The following ADGRB3 variants were observed in gnomAD, a reference collection of about 807,000 sequenced individuals.
ADGRB3 encodes adhesion G protein-coupled receptor B3, also known as brain-specific angiogenesis inhibitor 3.
In ADGRB3, 37 loss-of-function variants were observed where a neutral mutation model predicts 193.4. The observed-to-expected ratio is 0.19, with a 90% CI of 0.15 to 0.25. The LOEUF (loss-of-function observed/expected upper bound fraction) is 0.25. ADGRB3 is among the 10% of genes least tolerant of loss of function. The pLI is 1.00. For synonymous variants in ADGRB3, 690 were observed against 644.2 expected (o/e 1.07, Z -1.08); for missense variants, 1,637 against 1,852.9 (o/e 0.88, Z 2.14).
intron 20 of ADGRB3, among the ~76,000 whole-genome samples, chr6:69,282,150 G>A (rs1767450046): frequency 6.6e-6 from 1 of 152,110 alleles, no homozygotes; most frequent in Non-Finnish European, 1.5e-5. Context: ...TTTCTCAAGA[G>A]CAATGTCTCC....
chr6:68,761,396 G>T (rs562031571), intron 3 of ADGRB3, among the ~76,000 whole-genome samples: 1 of 145,098 alleles, frequency 6.9e-6, no homozygotes, highest in South Asian at 2.1e-4. Flanking sequence ...GCAGTCTCAG[G>T]CGTGACTAGT....
intron 17 of ADGRB3, among the ~76,000 whole-genome samples, chr6:69,166,045 G>T (rs530137950): frequency 1.3e-5 from 2 of 151,954 alleles, no homozygotes; most frequent in Admixed American, 6.6e-5. Flanking sequence ...TACTCTTACC[G>T]TTGTACTCAG....
chr6:69,259,695 C>CAAAAA (rs397887907), intron 20 of ADGRB3, among the ~76,000 whole-genome samples: 4 of 76,154 alleles, frequency 5.3e-5, no homozygotes, highest in African/African-American at 4.9e-5. Context: ...GACTCTGTCT[C>CAAAAA]AAAAAAAAAA....
intron 3 of ADGRB3, among the ~76,000 whole-genome samples, chr6:68,685,705 C>T (rs1215845558): frequency 1.3e-5 from 2 of 151,338 alleles, no homozygotes; most frequent in African/African-American, 4.9e-5. Flanking sequence ...GGTGAAACCC[C>T]GTCTCTACTA....
At chr6:68,922,958 G>T (rs906144808) in intron 3 of ADGRB3, among the ~76,000 whole-genome samples, 1 of 152,016 alleles carries the variant, frequency 6.6e-6, no homozygotes, top group Non-Finnish European at 1.5e-5. Context: ...TTACGTAGTA[G>T]AAAAATACTG....
intron 15 of ADGRB3, among the ~76,000 whole-genome samples, chr6:69,057,531 G>GT (rs145741440): frequency 6.7e-6 from 1 of 149,442 alleles, no homozygotes; most frequent in East Asian, 2.0e-4. Flanking sequence ...GTTTTGTTTT[G>GT]TTTGTTTTAC....
intron 17 of ADGRB3, among the ~76,000 whole-genome samples, chr6:69,231,839 TAA>T (rs1398219885): frequency 3.3e-5 from 5 of 152,234 alleles, no homozygotes; most frequent in South Asian, 4.1e-4. Context: ...AAGAGTATAT[TAA>T]GTCATAAATA....
chr6:69,339,801 T>A (rs528277185), intron 26 of ADGRB3, among the ~76,000 whole-genome samples: 1 of 152,262 alleles, frequency 6.6e-6, no homozygotes, highest in South Asian at 2.1e-4. Context: ...TATAAATAAG[T>A]CTTGTTAGAA....
rs541906631 is a variant in ADGRB3 at position 69,274,737 on chromosome 6, G to GAAAGACTGGCTCTGAAAGAAGCT, written c.2814+35533_2814+35534insTAAAGACTGGCTCTGAAAGAAGC. ...CTAGTGGGAAAAATGAGGCTGCACT[G>GAAAGACTGGCTCTGAAAGAAGCT]AAAGACTGGCTCTGAAAGAAGCAAT... On this transcript the variant is annotated intron_variant, in intron 20 of 31. Coordinates refer to ENST00000370598, the MANE Select transcript of ADGRB3 (RefSeq NM_001704.3). Among the ~76,000 whole-genome samples the GAAAGACTGGCTCTGAAAGAAGCT allele has an allele frequency of 3.1e-4, 47 of 151,796 alleles. 1 individual carries two copies. In the South Asian group the frequency reaches 9.8e-3, roughly 32 times the overall value.
At chr6:69,253,214 G>C (rs898439790) in intron 20 of ADGRB3, among the ~76,000 whole-genome samples, 1 of 152,008 alleles carries the variant, frequency 6.6e-6, no homozygotes, top group Non-Finnish European at 1.5e-5. Context: ...CAAAGAGCTT[G>C]AGTTCTCTAA....
At chr6:69,151,170 C>T (rs766788406) in intron 17 of ADGRB3, among the ~76,000 whole-genome samples, 2 of 152,206 alleles carry the variant, frequency 1.3e-5, no homozygotes, top group African/African-American at 4.8e-5. Context: ...CAGCACACCA[C>T]TAGGACTGGC....
intron 3 of ADGRB3, among the ~76,000 whole-genome samples, chr6:68,708,593 A>G (rs893094550): frequency 6.6e-6 from 1 of 152,218 alleles, no homozygotes; most frequent in Non-Finnish European, 1.5e-5. Context: ...AGATTTTTTA[A>G]AAACAAAACC....
rs539159220 is a variant in ADGRB3, at chr6:68,919,280, A to G, written c.758-11279A>G. The stretch of plus-strand genomic sequence containing the variant: ...TTCTGCTCAAATTATTTTTAATTTT[A>G]TATTTATTTATTCATCAAATATTTA... On this transcript the variant is annotated intron_variant, in intron 3 of 31. Coordinates refer to ENST00000370598, the MANE Select transcript of ADGRB3 (RefSeq NM_001704.3). Among the ~76,000 whole-genome samples the G allele has an allele frequency of 1.6e-4, 24 of 152,338 alleles. 1 individual carries two copies. The South Asian group carries it at 5.0e-3, about 32-fold the overall frequency.
chr6:68,958,057 C>T (rs1340667745), intron 8 of ADGRB3, among the ~76,000 whole-genome samples: 1 of 152,064 alleles, frequency 6.6e-6, no homozygotes, highest in East Asian at 1.9e-4. Context: ...AAAAATTAGC[C>T]GGCCGTGGTG....
In ADGRB3 at chr6:69,361,275, C is replaced by T; in HGVS notation, c.4002C>T (p.Thr1334=). Residue 1334 remains threonine (T), a synonymous_variant, in exon 29 of 32, where the codon ACC becomes ACT. Coordinates refer to ENST00000370598, the MANE Select transcript of ADGRB3 (RefSeq NM_001704.3). ...GCAAAATGAATATTGGCATGGAAAC[C>T]TTGCCGCATGAAAGGCTATTGCACT... is the stretch of plus-strand genomic sequence containing the variant. ...EESKMNIGME[T]LPHERLLHYK... is the part of the protein sequence containing the mutation. 4 of 1,612,784 alleles carry T rather than the reference C, an allele frequency of 2.5e-6. No individual in the cohort carries two copies. Among genetic ancestry groups the T allele is most frequent in the Non-Finnish European group, 3.4e-6 (4 of 1,179,262 alleles).
chr6:69,328,491 A>G (rs919138437), intron 22 of ADGRB3, among the ~76,000 whole-genome samples: 7 of 152,190 alleles, frequency 4.6e-5, no homozygotes, highest in Admixed American at 3.9e-4. Flanking sequence ...TTAAATCTAA[A>G]CAGTGCACTT....
chr6:68,858,605 A>C (rs946224185), intron 3 of ADGRB3, among the ~76,000 whole-genome samples: 6 of 151,748 alleles, frequency 4.0e-5, no homozygotes, highest in South Asian at 4.2e-4. Flanking sequence ...AAAAAAAAAA[A>C]AAAAAACACA....
At chr6:68,704,556 A>C (rs991675803) in intron 3 of ADGRB3, among the ~76,000 whole-genome samples, 1 of 152,190 alleles carries the variant, frequency 6.6e-6, no homozygotes, top group African/African-American at 2.4e-5. Context: ...GACTGAATTC[A>C]TGAGAACCAA....
intron 15 of ADGRB3, among the ~76,000 whole-genome samples, chr6:69,055,861 G>T (rs371933246): frequency 5.9e-5 from 9 of 151,438 alleles, no homozygotes; most frequent in African/African-American, 1.7e-4. Flanking sequence ...ACACAGTCTC[G>T]CTCTGTTGCA....
Sources: allele counts gnomAD v4.1 joint callset (sites outside exome capture counted in the v4.1 genomes callset), GRCh38; gene constraint gnomAD v4.1.1; transcripts MANE v1.5; gene names NCBI Gene and HGNC (gene_info 2026-07-23, HGNC 2026-07-21).